The following PLXND1 variants were observed in gnomAD, a reference collection of about 807,000 sequenced individuals.
PLXND1 encodes plexin D1, also known as plexin-D1.
In PLXND1, 54 loss-of-function variants were observed where a neutral mutation model predicts 197.7. The observed-to-expected ratio is 0.27, with a 90% CI of 0.22 to 0.34. The LOEUF is 0.34. PLXND1 is among the 10% of genes least tolerant of loss of function. The pLI, the probability that PLXND1 is intolerant of heterozygous loss-of-function variation, is 1.00. For missense variants in PLXND1, 2,127 were observed against 2,699.2 expected (o/e 0.79, Z 4.70); for synonymous variants, 1,180 against 1,161.2 (o/e 1.02, Z -0.33).
rs1237422744 is a variant in PLXND1, at chr3:129,577,238, C to T, written c.2346+1091G>A. 6.6e-6 allele frequency among the ~76,000 whole-genome samples: 1 copy of T among 152,184 alleles called. No individual in the cohort carries two copies. Among genetic ancestry groups the T allele is most frequent in the African/African-American group, 2.4e-5 (1 of 41,452 alleles). ...AGGCCCCCACCGCTGGGCCTGACTTCAGTGTTCTAGGAGCAGGCCCTGGGG... is the reference window on the plus strand; with the variant it reads ...AGGCCCCCACCGCTGGGCCTGACTTTAGTGTTCTAGGAGCAGGCCCTGGGG... On this transcript the variant is annotated intron_variant, in intron 9 of 35. Transcript: ENST00000324093. This position sits in a 1 kb window ranked among gnomAD's most constrained non-coding sequence, Gnocchi z 5.0.
At position 129,564,471 on chromosome 3, in the gene PLXND1, C is replaced by A. The variant is rs2085109242; in HGVS notation, c.4521+869G>T. Among the ~76,000 whole-genome samples the A allele has an allele frequency of 4.6e-5, 7 of 152,336 alleles. No individual in the cohort carries two copies. In the South Asian group the frequency reaches 1.5e-3, roughly 32 times the overall value. ...GACCAGCCTGTGCAACAAAGCAAGA[C>A]CCCCATCTCTTCAAAAATTAATAAC... On this transcript the variant is annotated intron_variant, in intron 25 of 35. Coordinates refer to ENST00000324093, the MANE Select transcript of PLXND1 (RefSeq NM_015103.3).
At position 129,558,645 on chromosome 3, in the gene PLXND1, G is replaced by T; in HGVS notation, c.5298-70C>A. The T allele has an allele frequency of 1.4e-6, 2 of 1,467,792 alleles. No individual in the cohort carries two copies. Among genetic ancestry groups the T allele is most frequent in the South Asian group, 2.4e-5 (2 of 83,314 alleles). 90.9% of individuals were successfully genotyped at this position (1,467,792 alleles called of 1,614,324 possible). On this transcript the variant is annotated intron_variant, in intron 32 of 35. Transcript: ENST00000324093. This position sits in a 1 kb window ranked among gnomAD's most constrained non-coding sequence, Gnocchi z 4.1. ...GAAGCAGTCGAGGGACAGTTGTGGA[G>T]GAGAGAGCTGGCTTTGTCCCTCAAG...
chr3:129,595,380 C>T (rs1269556230), intron 1 of PLXND1, among the ~76,000 whole-genome samples: 1 of 152,222 alleles, frequency 6.6e-6, no homozygotes, highest in African/African-American at 2.4e-5. Flanking sequence ...GCAGCAGCCC[C>T]CATGCCAGGG....
chr3:129,584,060 A>C, intron 7 of PLXND1, 65 bp downstream of exon 7: 1 of 1,078,988 alleles, frequency 9.3e-7, no homozygotes, highest in Admixed American at 2.0e-5. Flanking sequence ...CCTGAAAGCA[A>C]AGACCCTTCC....
Position 129,589,436 on chromosome 3 carries a change from G to C in PLXND1, c.1403C>G (p.Ala468Gly). 6.2e-7 allele frequency: 1 copy of C among 1,611,858 alleles called. No individual in the cohort carries two copies. The highest frequency in any genetic ancestry group is 8.5e-7 in the Non-Finnish European group (1 of 1,179,516). The change falls in exon 2 of 36, where the codon GCC becomes GGC. Residue 468 changes from alanine to glycine, a missense_variant. Transcript: ENST00000324093. ...CACGGCCACGGAGGTGAGGCCCGGG[G>C]CGCGGAACACGGGCGTGGCCTTCAG... ...QPLKATPVFR[A>G]PGLTSVAVAS...
At chr3:129,604,622 GA>G (rs1348318461) in intron 1 of PLXND1, among the ~76,000 whole-genome samples, 1 of 152,226 alleles carries the variant, frequency 6.6e-6, no homozygotes, top group African/African-American at 2.4e-5. Context: ...AATATTTGCA[GA>G]ATAGGTGAAT....
At chr3:129,593,135 C>T (rs12492043) in intron 1 of PLXND1, among the ~76,000 whole-genome samples, 14,697 of 152,252 alleles carry the variant, frequency 0.097, 930 homozygotes, top group East Asian at 0.26. Flanking sequence ...TCACACAAAG[C>T]TGGTCAGACC....
At chr3:129,575,336 G>A (rs2085296618) in intron 11 of PLXND1, 133 bp downstream of exon 11, 1 of 643,870 alleles carries the variant, frequency 1.6e-6, no homozygotes. Context: ...ATATGAGGCT[G>A]TGTGTGTGCT....
chr3:129,584,022 G>A (rs375369540), intron 7 of PLXND1, 103 bp downstream of exon 7: 36 of 730,512 alleles, frequency 4.9e-5, no homozygotes, highest in East Asian at 2.4e-4. Context: ...CTACCTCTAC[G>A]ATGCTATGAT....
chr3:129,571,066 C>A lies in PLXND1; in HGVS notation c.3574G>T (p.Gly1192Trp), dbSNP rs748452504. 6.2e-7 allele frequency: 1 copy of A among 1,614,132 alleles called. No homozygotes were observed. Among genetic ancestry groups the A allele is most frequent in the Non-Finnish European group, 8.5e-7 (1 of 1,179,996 alleles). The change falls in exon 18 of 36, where the codon GGG becomes TGG. Residue 1192 changes from glycine (G) to tryptophan (W), a missense_variant. Coordinates refer to ENST00000324093, the MANE Select transcript of PLXND1 (RefSeq NM_015103.3). ...KREKWIKHHP[G>W]EPLTLVIHKE... is the part of the protein sequence containing the mutation. ...TGGATAACGAGGGTGAGAGGCTCCC[C>A]GGGGTGGTGCTTGATCCACTTCTCC...
In PLXND1 at chr3:129,571,665, T is replaced by C. The variant is rs1234728723; in HGVS notation, c.3245+12A>G. The C allele has an allele frequency of 1.2e-6, 2 of 1,613,784 alleles. No individual in the cohort carries two copies. On this transcript the variant is annotated intron_variant, in intron 16 of 35. Transcript: ENST00000324093. ...CAGAGAGCCTGGGGGAAGGGCGGGG[T>C]GCCAGTCTCACCTGACAGGGCTGCG... is the stretch of plus-strand genomic sequence containing the variant.
At position 129,565,456 on chromosome 3, in the gene PLXND1, C is replaced by T; in HGVS notation, c.4405G>A (p.Asp1469Asn). The change falls in exon 25 of 36, where the codon GAC (aspartate) becomes AAC (asparagine). Residue 1469 changes from aspartate to asparagine, a missense_variant. Physicochemically the swap from Asp to Asn is conservative, Grantham distance 23. Coordinates refer to ENST00000324093, the MANE Select transcript of PLXND1 (RefSeq NM_015103.3). Reference protein sequence around the residue: ...YTSIMKELLVDLIDASAAKNP... With the variant: ...YTSIMKELLVNLIDASAAKNP... Reference sequence around the variant, plus strand: ...TTGGCGGCCGAGGCGTCAATGAGGTCCACCAGCAGCTCCTTCATGATGCTG... The same window carrying T: ...TTGGCGGCCGAGGCGTCAATGAGGTTCACCAGCAGCTCCTTCATGATGCTG... 2 of 1,613,938 alleles carry T rather than the reference C, an allele frequency of 1.2e-6. No homozygotes were observed. Among genetic ancestry groups the T allele is most frequent in the African/African-American group, 2.7e-5 (2 of 75,050 alleles).
At chr3:129,565,866 C>A in intron 24 of PLXND1, 21 bp downstream of exon 24, 1 of 1,612,644 alleles carries the variant, frequency 6.2e-7, no homozygotes, top group South Asian at 1.1e-5. Context: ...CCTACCCCAC[C>A]CCAGTCTGTC....
intron 5 of PLXND1, 145 bp downstream of exon 5, chr3:129,585,806 GC>G: frequency 8.9e-7 from 1 of 1,128,558 alleles, no homozygotes; most frequent in Non-Finnish European, 1.3e-6. Context: ...GGTCAGGAAA[GC>G]CCAGTCATTG....
intron 1 of PLXND1, among the ~76,000 whole-genome samples, chr3:129,604,984 C>A (rs1342031126): frequency 6.6e-6 from 1 of 152,198 alleles, no homozygotes; most frequent in Admixed American, 6.5e-5. Context: ...TCACTTACTG[C>A]GCCCTCAGCA....
intron 1 of PLXND1, among the ~76,000 whole-genome samples, chr3:129,603,471 C>T (rs1178229411): frequency 2.0e-5 from 3 of 152,202 alleles, no homozygotes; most frequent in African/African-American, 7.2e-5. Context: ...GGCCCTCAGT[C>T]CACAGGACAC....
rs1228797778 is a variant in PLXND1 at position 129,589,620 on chromosome 3, G to A, written c.1312-93C>T. On this transcript the variant is annotated intron_variant, in intron 1 of 35. Transcript: ENST00000324093. ...GCTGGGATCTCAGGCCCTGGCATCA[G>A]AGCTTTCAAGTCTTGTTCCTACTTT... 4 of 1,103,890 alleles carry A rather than the reference G, an allele frequency of 3.6e-6. No homozygotes were observed. In the East Asian group the frequency reaches 1.0e-4, roughly 29 times the overall value. 68.4% of individuals were successfully genotyped at this position (1,103,890 alleles called of 1,614,324 possible). A position where few individuals can be genotyped will look rare whatever the true frequency, so the allele number is the denominator to read the frequency against.
At position 129,570,957 on chromosome 3, in the gene PLXND1, A is replaced by C. The variant is rs1339179272; in HGVS notation, c.3601-22T>G. 5 of 1,614,044 alleles carry C rather than the reference A, an allele frequency of 3.1e-6. No individual in the cohort carries two copies. In the Admixed American group the frequency reaches 6.7e-5, roughly 22 times the overall value. ...CCTTCTGTGGGTGCAAAGGGGGAGGATGCTCATGGGGAAGTGCTCCCGAGG... is the reference window on the plus strand; with the variant it reads ...CCTTCTGTGGGTGCAAAGGGGGAGGCTGCTCATGGGGAAGTGCTCCCGAGG... On this transcript the variant is annotated intron_variant, in intron 18 of 35. Transcript: ENST00000324093.
chr3:129,603,579 A>G (rs1278816459), intron 1 of PLXND1, among the ~76,000 whole-genome samples: 2 of 152,076 alleles, frequency 1.3e-5, no homozygotes, highest in African/African-American at 4.8e-5. Flanking sequence ...TGAACCAACC[A>G]TGGCACAGGG....
Sources: allele counts gnomAD v4.1 joint callset (sites outside exome capture counted in the v4.1 genomes callset), GRCh38; gene constraint gnomAD v4.1.1; non-coding constraint Gnocchi (gnomAD v3.1); transcripts MANE v1.5; gene names NCBI Gene and HGNC (gene_info 2026-07-23, HGNC 2026-07-21).